The following ZNF804B variants were observed in gnomAD, a reference collection of about 807,000 sequenced individuals.
The protein encoded by ZNF804B is zinc finger 804B.
Under a neutral mutation model 101.4 loss-of-function variants are expected in ZNF804B, and 80 were observed. That is an observed-to-expected ratio of 0.79 (90% CI 0.66 to 0.95). The LOEUF is 0.95. ZNF804B is among the 40% of genes least tolerant of loss of function. The pLI, the probability that ZNF804B is intolerant of heterozygous loss-of-function variation, is 0.00. For synonymous variants in ZNF804B, 622 were observed against 558.8 expected (o/e 1.11, Z -1.59); for missense variants, 1,673 against 1,561.9 (o/e 1.07, Z -1.20).
chr7:88,935,768 A>G (rs1022502571), intron 1 of ZNF804B, among the ~76,000 whole-genome samples: 3 of 152,004 alleles, frequency 2.0e-5, no homozygotes, highest in Non-Finnish European at 4.4e-5. Flanking sequence ...ATAAGTTTTC[A>G]GGAAAATTAC....
At chr7:88,884,446 GTATC>G (rs1233390734) in intron 1 of ZNF804B, among the ~76,000 whole-genome samples, 8 of 151,368 alleles carry the variant, frequency 5.3e-5, no homozygotes, top group South Asian at 4.2e-4. Flanking sequence ...TTTATCATCT[GTATC>G]TATCTATCTT....
At chr7:89,279,147 CTGTT>C in intron 2 of ZNF804B, among the ~76,000 whole-genome samples, 1 of 152,118 alleles carries the variant, frequency 6.6e-6, no homozygotes, top group East Asian at 1.9e-4. Flanking sequence ...ATTTGGCTTT[CTGTT>C]TGTCTGTTAT....
intron 1 of ZNF804B, among the ~76,000 whole-genome samples, chr7:89,126,150 G>C (rs1385734701): frequency 6.6e-6 from 1 of 151,746 alleles, no homozygotes; most frequent in Non-Finnish European, 1.5e-5. Flanking sequence ...TTAAGAAAAT[G>C]AATTTCTTGG....
rs934289991 is a variant in ZNF804B, at chr7:88,947,058, C to CT, written c.108+186981dup. ...ATAGAGAATTAGGAATGCTTTTACA[C>CT]TTTTTTTGGGAGTGTAAATTAGTTA... On this transcript the variant is annotated intron_variant, in intron 1 of 3. Coordinates refer to ENST00000333190, the MANE Select transcript of ZNF804B (RefSeq NM_181646.5). Among the ~76,000 whole-genome samples, 4 of 151,948 alleles carry CT rather than the reference C, an allele frequency of 2.6e-5. 1 individual carries two copies. The highest frequency in any genetic ancestry group is 2.0e-4 in the Admixed American group (3 of 15,232).
chr7:89,213,834 A>C (rs1181657548), intron 1 of ZNF804B, among the ~76,000 whole-genome samples: 1 of 152,206 alleles, frequency 6.6e-6, no homozygotes, highest in Non-Finnish European at 1.5e-5. Flanking sequence ...AATAGAACAT[A>C]CTTCATAGGG....
chr7:89,333,659 A>G lies in ZNF804B; in HGVS notation c.677A>G (p.Lys226Arg), dbSNP rs147649508. 6.8e-6 allele frequency: 11 copies of G among 1,613,410 alleles called. No homozygotes were observed. The highest frequency in any genetic ancestry group is 4.2e-6 in the Non-Finnish European group (5 of 1,179,684). ...GGAGTATCATTTACTTTTTCCAAAA[A>G]AGTGCACCTAAAATTAGAATCTTCA... ...RTGVSFTFSKKVHLKLESSAS... is the reference protein window; with the variant it reads ...RTGVSFTFSKRVHLKLESSAS... The change falls in exon 4 of 4, where the codon AAA (lysine) becomes AGA (arginine). Residue 226 changes from lysine to arginine, a missense_variant. Transcript: ENST00000333190.
At chr7:89,147,463 T>C (rs1335464476) in intron 1 of ZNF804B, among the ~76,000 whole-genome samples, 1 of 152,116 alleles carries the variant, frequency 6.6e-6, no homozygotes, top group Non-Finnish European at 1.5e-5. Flanking sequence ...TGTTTTCATG[T>C]TGAATTAAAT....
In ZNF804B at chr7:88,759,785, C is replaced by T; in HGVS notation, c.-192C>T. ...GTCGCCGCCGCCGCCTCTGTCAGAGCAGCAGCTGTCGGCAGCAGGAGCCCC... is the reference window on the plus strand; with the variant it reads ...GTCGCCGCCGCCGCCTCTGTCAGAGTAGCAGCTGTCGGCAGCAGGAGCCCC... On this transcript the variant is annotated 5_prime_UTR_variant, in exon 1 of 4. Transcript: ENST00000333190. 4 of 596,338 alleles carry T rather than the reference C, an allele frequency of 6.7e-6. No homozygotes were observed. Among genetic ancestry groups the T allele is most frequent in the Non-Finnish European group, 1.2e-5 (4 of 334,806 alleles). 36.9% of individuals were successfully genotyped at this position (596,338 alleles called of 1,614,324 possible).
At chr7:89,045,543 C>T (rs772394993) in intron 1 of ZNF804B, among the ~76,000 whole-genome samples, 1 of 152,190 alleles carries the variant, frequency 6.6e-6, no homozygotes, top group African/African-American at 2.4e-5. Context: ...TGGAGCTTCT[C>T]AAGGTGGTGG....
intron 1 of ZNF804B, among the ~76,000 whole-genome samples, chr7:88,892,679 A>G (rs766616791): frequency 3.7e-4 from 56 of 152,250 alleles, no homozygotes; most frequent in Non-Finnish European, 4.1e-4. Context: ...CTTTCTTTCA[A>G]TATCAACTTC....
At chr7:89,123,634 G>T (rs1790436693) in intron 1 of ZNF804B, among the ~76,000 whole-genome samples, 1 of 152,098 alleles carries the variant, frequency 6.6e-6, no homozygotes, top group South Asian at 2.1e-4. Context: ...GATAATGATA[G>T]TTAATGTTCA....
intron 1 of ZNF804B, among the ~76,000 whole-genome samples, chr7:88,785,161 G>A (rs1439335659): frequency 6.6e-6 from 1 of 152,088 alleles, no homozygotes; most frequent in Admixed American, 6.6e-5. Flanking sequence ...AATTCGGCAT[G>A]TTCAAAACGA....
chr7:88,811,415 G>A (rs62462044), intron 1 of ZNF804B, among the ~76,000 whole-genome samples: 14,688 of 152,210 alleles, frequency 0.096, 878 homozygotes, highest in East Asian at 0.27. Context: ...AATTAGTTCA[G>A]CTATTGTGGA....
At chr7:89,283,319 G>C (rs961950881) in intron 2 of ZNF804B, among the ~76,000 whole-genome samples, 4 of 152,112 alleles carry the variant, frequency 2.6e-5, no homozygotes, top group African/African-American at 9.7e-5. Flanking sequence ...TGAAAGTTTT[G>C]TAAAAAACAG....
In ZNF804B at chr7:89,277,486, TCCC is replaced by T. The variant is rs1238589973; in HGVS notation, c.250-49854_250-49852del. Among the ~76,000 whole-genome samples the T allele has an allele frequency of 1.3e-3, 6 of 4,558 alleles. No individual in the cohort carries two copies. The South Asian group carries it at 0.081, about 62-fold the overall frequency. 3.0% of individuals were successfully genotyped at this position (4,558 alleles called of 152,430 possible). ...AATGCTATCCCTCCCCCCTCCCCCC[TCCC>T]CCCTCCCCCCTACCCCCACCCCACA... On this transcript the variant is annotated intron_variant, in intron 2 of 3. Coordinates refer to ENST00000333190, the MANE Select transcript of ZNF804B (RefSeq NM_181646.5).
intron 1 of ZNF804B, among the ~76,000 whole-genome samples, chr7:89,024,371 C>T (rs143283789): frequency 0.012 from 1,772 of 152,148 alleles, 21 homozygotes; most frequent in Non-Finnish European, 0.018. Context: ...AATTTTAGCT[C>T]ACAAACTTAG....
chr7:88,867,978 T>G lies in ZNF804B; in HGVS notation c.108+107894T>G, dbSNP rs144530551. Among the ~76,000 whole-genome samples the G allele has an allele frequency of 2.1e-3, 314 of 152,134 alleles. 3 individuals are homozygous for G. Among genetic ancestry groups the G allele is most frequent in the East Asian group, 0.013 (66 of 5,184 alleles). The stretch of plus-strand genomic sequence containing the variant: ...GGTTATACTAATATATAATGTCTGT[T>G]AGCATAATCACCTATTATATATATG... On this transcript the variant is annotated intron_variant, in intron 1 of 3. Coordinates refer to ENST00000333190, the MANE Select transcript of ZNF804B (RefSeq NM_181646.5).
intron 1 of ZNF804B, among the ~76,000 whole-genome samples, chr7:89,123,922 C>T (rs1037149952): frequency 1.3e-5 from 2 of 152,096 alleles, no homozygotes; most frequent in African/African-American, 4.8e-5. Context: ...TACGATGTGG[C>T]AAGAGAAGGA....
At chr7:88,770,581 C>T (rs1414570805) in intron 1 of ZNF804B, among the ~76,000 whole-genome samples, 5 of 152,150 alleles carry the variant, frequency 3.3e-5, no homozygotes, top group African/African-American at 1.2e-4. Flanking sequence ...TTAATTCAAC[C>T]TCACTCAACC....
Sources: gnomAD v4.1 joint callset for allele counts (sites outside exome capture counted in the v4.1 genomes callset) on GRCh38, gnomAD v4.1.1 for gene constraint, MANE v1.5 for transcripts, NCBI Gene and HGNC (gene_info 2026-07-23, HGNC 2026-07-21) for gene names.